Variants in DCLK2 observed in about 807,000 individuals in gnomAD.
DCLK2 encodes serine/threonine-protein kinase DCLK2.
A neutral mutation model predicts 78.4 loss-of-function variants in DCLK2; 31 were observed. That is an observed-to-expected ratio of 0.40 (90% CI 0.30 to 0.53). DCLK2 has a LOEUF of 0.53. Among genes scored for constraint, DCLK2 ranks in the 20% least tolerant of loss-of-function variants. The probability of loss-of-function intolerance (pLI) is 0.61; values close to 1 mark genes in which losing one functional copy is unlikely to be tolerated. For missense variants in DCLK2, 872 were observed against 973.7 expected (o/e 0.90, Z 1.39); for synonymous variants, 407 against 374.9 (o/e 1.09, Z -0.99).
chr4:150,114,941 A>G lies in DCLK2; in HGVS notation c.756+12129A>G, dbSNP rs373298682. Among the ~76,000 whole-genome samples, 4 of 152,340 alleles carry G rather than the reference A, an allele frequency of 2.6e-5. No individual in the cohort carries two copies. The South Asian group carries it at 8.3e-4, about 32-fold the overall frequency. ...TATTTAGATATCTAAATCTCTAGCA[A>G]GGCCAGGGAAGTTTTCCTTAATTAT... On this transcript the variant is annotated intron_variant, in intron 2 of 15. Coordinates refer to ENST00000296550, the MANE Select transcript of DCLK2 (RefSeq NM_001040260.4).
At chr4:150,239,065 G>A (rs1396860191) in intron 10 of DCLK2, among the ~76,000 whole-genome samples, 4 of 152,092 alleles carry the variant, frequency 2.6e-5, no homozygotes, top group African/African-American at 9.7e-5. Flanking sequence ...CATAGTAAAT[G>A]CTAAATAAAG....
intron 15 of DCLK2, chr4:150,253,207 C>T (rs1744311760): frequency 2.0e-6 from 1 of 512,220 alleles, no homozygotes; most frequent in Admixed American, 2.0e-5. Context: ...ATGACTCTCC[C>T]TGGTACTCAT....
chr4:150,151,881 C>T (rs1406809030), intron 2 of DCLK2, among the ~76,000 whole-genome samples: 1 of 151,704 alleles, frequency 6.6e-6, no homozygotes, highest in Non-Finnish European at 1.5e-5. Flanking sequence ...GTCAAGATTG[C>T]ACCACTGCAC....
chr4:150,159,842 C>T lies in DCLK2; in HGVS notation c.757-33296C>T, dbSNP rs995353654. Among the ~76,000 whole-genome samples, 4 of 152,006 alleles carry T rather than the reference C, an allele frequency of 2.6e-5. No homozygotes were observed. The South Asian group carries it at 6.2e-4, about 24-fold the overall frequency. On this transcript the variant is annotated intron_variant, in intron 2 of 15. Coordinates refer to ENST00000296550, the MANE Select transcript of DCLK2 (RefSeq NM_001040260.4). The stretch of plus-strand genomic sequence containing the variant: ...CGAGAGAACACGTTTTCATATGTTC[C>T]GCTTTGCTAGAACAGGAATCCCTGG...
chr4:150,221,728 A>G lies in DCLK2; in HGVS notation c.1184A>G (p.Lys395Arg), dbSNP rs1167574377. 3 of 1,607,918 alleles carry G rather than the reference A, an allele frequency of 1.9e-6. No individual in the cohort carries two copies. Among genetic ancestry groups the G allele is most frequent in the Non-Finnish European group, 2.5e-6 (3 of 1,177,838 alleles). Residue 395 changes from lysine to arginine, a missense_variant, in exon 7 of 16, where the codon AAA becomes AGA. Physicochemically the swap from Lys to Arg is conservative, Grantham distance 26. Transcript: ENST00000296550. Reference protein sequence around the residue: ...SESSTLLEKYKIGKVIGDGNF... With the variant: ...SESSTLLEKYRIGKVIGDGNF... ...TCATCAACTCTTCTTGAGAAATACA[A>G]AATTGGAAAGGTCATTGGTGATGGC... is the stretch of plus-strand genomic sequence containing the variant.
rs1016437151 is a variant in DCLK2, at chr4:150,079,378, C to T, written c.351C>T (p.Pro117=). ...TRSLSDNVNL[P]QGVRTIYTID... ...CCCTGTCGGACAACGTGAACCTGCCCCAGGGTGTCCGCACTATCTACACCA... is the reference window on the plus strand; with the variant it reads ...CCCTGTCGGACAACGTGAACCTGCCTCAGGGTGTCCGCACTATCTACACCA... Residue 117 remains proline (P), a synonymous_variant, in exon 1 of 16, where the codon CCC becomes CCT. Transcript: ENST00000296550. The T allele has an allele frequency of 6.3e-7, 1 of 1,589,180 alleles. No homozygotes were observed.
intron 2 of DCLK2, among the ~76,000 whole-genome samples, chr4:150,162,973 C>A (rs545407219): frequency 6.6e-6 from 1 of 152,188 alleles, no homozygotes; most frequent in African/African-American, 2.4e-5. Context: ...AATTGTCTAA[C>A]GAATTGTTGG....
chr4:150,114,891 C>G (rs997658073), intron 2 of DCLK2, among the ~76,000 whole-genome samples: 1 of 152,064 alleles, frequency 6.6e-6, no homozygotes. Context: ...GTGATGAATC[C>G]CCCAGGAGTT....
rs1580634498 is a variant in DCLK2 at position 150,167,854 on chromosome 4, A to G, written c.757-25284A>G. Among the ~76,000 whole-genome samples, 3 of 152,206 alleles carry G rather than the reference A, an allele frequency of 2.0e-5. No individual in the cohort carries two copies. In the South Asian group the frequency reaches 6.2e-4, roughly 32 times the overall value. ...CAAAATGGCAGAGTTTAACTGGTAT[A>G]TGACCTTCCTCTAGGAATGCTAGAT... is the stretch of plus-strand genomic sequence containing the variant. On this transcript the variant is annotated intron_variant, in intron 2 of 15. Transcript: ENST00000296550.
At chr4:150,133,682 TGATAA>T (rs2150201501) in intron 2 of DCLK2, among the ~76,000 whole-genome samples, 1 of 152,360 alleles carries the variant, frequency 6.6e-6, no homozygotes, top group East Asian at 1.9e-4. Flanking sequence ...TTTTTCTCTC[TGATAA>T]GAGAATGTGA....
At chr4:150,137,250 C>A (rs1454646632) in intron 2 of DCLK2, among the ~76,000 whole-genome samples, 1 of 152,112 alleles carries the variant, frequency 6.6e-6, no homozygotes, top group Non-Finnish European at 1.5e-5. Flanking sequence ...TTGTCTGGGG[C>A]AGCTTCCCTC....
intron 15 of DCLK2, chr4:150,253,318 C>T (rs1471758719): frequency 1.4e-6 from 1 of 733,916 alleles, no homozygotes; most frequent in African/African-American, 1.8e-5. Context: ...CATCAGATAA[C>T]TTACAGACAG....
At chr4:150,247,517 C>G in intron 12 of DCLK2, 86 bp from the exon 13 acceptor site, 1 of 1,126,316 alleles carries the variant, frequency 8.9e-7, no homozygotes, top group Non-Finnish European at 1.3e-6. Context: ...AGACTGGACT[C>G]CTTTCCCCGC....
rs1362949660 is a variant in DCLK2 at position 150,247,705 on chromosome 4, CTCCAGGCCTGTT to C, written c.1875+9_1875+20del. 6.2e-7 allele frequency: 1 copy of C among 1,612,214 alleles called. No homozygotes were observed. The highest frequency in any genetic ancestry group is 8.5e-7 in the Non-Finnish European group (1 of 1,178,632). On this transcript the variant is annotated splice_region_variant and intron_variant, in intron 13 of 15. Coordinates refer to ENST00000296550, the MANE Select transcript of DCLK2 (RefSeq NM_001040260.4). ...ACATCACGGACTCTGCCAAGGTACC[CTCCAGGCCTGTT>C]TCTGTGGGTTGTATTACGTTGTGGG...
chr4:150,223,339 T>G (rs1022277614), intron 7 of DCLK2, among the ~76,000 whole-genome samples: 11 of 152,208 alleles, frequency 7.2e-5, no homozygotes, highest in Admixed American at 7.2e-4. Context: ...CAGCTGCACT[T>G]GAGATAACAA....
intron 5 of DCLK2, among the ~76,000 whole-genome samples, chr4:150,219,340 C>G (rs1030235436): frequency 1.4e-5 from 2 of 143,938 alleles, no homozygotes; most frequent in Admixed American, 1.4e-4. Context: ...ACGATCTCAG[C>G]TCACTGCAAC....
At chr4:150,098,484 T>C (rs949613414) in intron 1 of DCLK2, among the ~76,000 whole-genome samples, 5 of 152,210 alleles carry the variant, frequency 3.3e-5, no homozygotes, top group Admixed American at 6.5e-5. Context: ...AAAATACATA[T>C]GCGTGGTCCT....
At position 150,199,175 on chromosome 4, in the gene DCLK2, A is replaced by T. The variant is rs567979985; in HGVS notation, c.961+1072A>T. ...CCTTTTGCTCCATTTCCATGAATGTATCTGGCTTATTCCAGTGCACATCTG... is the reference window on the plus strand; with the variant it reads ...CCTTTTGCTCCATTTCCATGAATGTTTCTGGCTTATTCCAGTGCACATCTG... On this transcript the variant is annotated intron_variant, in intron 4 of 15. Coordinates refer to ENST00000296550, the MANE Select transcript of DCLK2 (RefSeq NM_001040260.4). 3.6e-6 allele frequency: 4 copies of T among 1,117,722 alleles called. No individual in the cohort carries two copies. In the East Asian group the frequency reaches 1.0e-4, roughly 29 times the overall value. 69.2% of individuals were successfully genotyped at this position (1,117,722 alleles called of 1,614,324 possible). A position where few individuals can be genotyped will look rare whatever the true frequency, so the allele number is the denominator to read the frequency against.
chr4:150,125,579 T>C (rs939204271), intron 2 of DCLK2, among the ~76,000 whole-genome samples: 9 of 152,260 alleles, frequency 5.9e-5, no homozygotes, highest in Non-Finnish European at 1.3e-4. Flanking sequence ...TATCTAAAAA[T>C]GACTATCTAA....
Sources: gnomAD v4.1 joint callset for allele counts (sites outside exome capture counted in the v4.1 genomes callset) on GRCh38, gnomAD v4.1.1 for gene constraint, MANE v1.5 for transcripts, NCBI Gene and HGNC (gene_info 2026-07-23, HGNC 2026-07-21) for gene names.